The following KIF5C variants were observed in gnomAD, a reference collection of about 807,000 sequenced individuals.
KIF5C encodes the protein kinesin heavy chain isoform 5C.
In KIF5C, 18 loss-of-function variants were observed where a neutral mutation model predicts 125.2. That is an observed-to-expected ratio of 0.14 (90% CI 0.10 to 0.21). KIF5C has a LOEUF of 0.21. Among genes scored for constraint, KIF5C ranks in the 10% least tolerant of loss-of-function variants. The probability of loss-of-function intolerance (pLI) is 1.00; values close to 1 mark genes in which losing one functional copy is unlikely to be tolerated. For missense variants in KIF5C, 780 were observed against 1,183.8 expected (o/e 0.66, Z 5.01); for synonymous variants, 405 against 434.0 (o/e 0.93, Z 0.83).
At chr2:148,977,773 C>T (rs1272695283) in intron 12 of KIF5C, among the ~76,000 whole-genome samples, 2 of 152,148 alleles carry the variant, frequency 1.3e-5, no homozygotes, top group African/African-American at 2.4e-5. Context: ...CCATGGAAAG[C>T]ATTAGTTTGT....
At chr2:148,998,265 CCAGAAAT>C (rs1681736966) in intron 18 of KIF5C, 128 bp from the exon 19 acceptor site, 4 of 1,399,404 alleles carry the variant, frequency 2.9e-6, no homozygotes, top group Non-Finnish European at 2.9e-6. Flanking sequence ...GGCAAAACAG[CCAGAAAT>C]GCCCCCAGTT....
chr2:148,952,818 C>T (rs73009512), intron 10 of KIF5C, among the ~76,000 whole-genome samples: 2,028 of 152,194 alleles, frequency 0.013, 52 homozygotes, highest in African/African-American at 0.046. Flanking sequence ...AGTCCGTGAC[C>T]GATGGCAGGC....
At chr2:148,999,568 C>T (rs1420318361) in intron 19 of KIF5C, among the ~76,000 whole-genome samples, 3 of 152,224 alleles carry the variant, frequency 2.0e-5, no homozygotes, top group African/African-American at 2.4e-5. Context: ...TTCTCCTCTT[C>T]GGCCATCCCC....
intron 16 of KIF5C, among the ~76,000 whole-genome samples, chr2:148,992,973 C>G (rs1681566079): frequency 2.0e-5 from 3 of 152,330 alleles, no homozygotes; most frequent in African/African-American, 7.2e-5. Context: ...ACCCTCTTCT[C>G]TTTCAAGCTG....
chr2:148,934,747 T>C (rs1190728055), intron 3 of KIF5C, among the ~76,000 whole-genome samples: 1 of 151,394 alleles, frequency 6.6e-6, no homozygotes, highest in Non-Finnish European at 1.5e-5. Context: ...CTCACACACA[T>C]ATAACCCCCA....
intron 14 of KIF5C, among the ~76,000 whole-genome samples, chr2:148,982,318 A>G (rs1408083609): frequency 6.6e-6 from 1 of 152,192 alleles, no homozygotes; most frequent in Non-Finnish European, 1.5e-5. Context: ...AATGTTTGGC[A>G]TGGCGGGGTG....
intron 8 of KIF5C, among the ~76,000 whole-genome samples, chr2:148,948,926 T>G (rs1225226455): frequency 2.6e-5 from 4 of 152,240 alleles, no homozygotes; most frequent in Admixed American, 1.3e-4. Flanking sequence ...CCAAGGGAGT[T>G]GAGAATCTAT....
chr2:148,990,861 A>T, intron 15 of KIF5C, 149 bp from the exon 16 acceptor site: 9 of 1,320,788 alleles, frequency 6.8e-6, no homozygotes, highest in Non-Finnish European at 8.8e-6. Context: ...CTTGGGGTTG[A>T]ATGTTTAGTA....
chr2:148,902,474 G>A lies in KIF5C; in HGVS notation c.127-19663G>A, dbSNP rs564341291. ...TGGGATTACAGGCACACGCCACCAC[G>A]CCCAGATAATTTTTGTATTTTTAGG... is the stretch of plus-strand genomic sequence containing the variant. On this transcript the variant is annotated intron_variant, in intron 1 of 25. Coordinates refer to ENST00000435030, the MANE Select transcript of KIF5C (RefSeq NM_004522.3). 2.6e-5 allele frequency among the ~76,000 whole-genome samples: 4 copies of A among 152,206 alleles called. No homozygotes were observed. In the East Asian group the frequency reaches 5.8e-4, roughly 22 times the overall value.
chr2:148,883,613 A>G (rs1681430452), intron 1 of KIF5C: 1 of 151,916 alleles, frequency 6.6e-6, no homozygotes, highest in Non-Finnish European at 1.5e-5. Flanking sequence ...TAAAACAAAG[A>G]TATTTTATAA....
At position 149,026,473 on chromosome 2, in the gene KIF5C, A is replaced by G. The variant is rs1265225187; in HGVS notation, c.*3403A>G. 6.6e-6 allele frequency: 1 copy of G among 152,292 alleles called. No individual in the cohort carries two copies. The highest frequency in any genetic ancestry group is 1.5e-5 in the Non-Finnish European group (1 of 68,028). 9.4% of individuals were successfully genotyped at this position (152,292 alleles called of 1,614,324 possible). A position where few individuals can be genotyped will look rare whatever the true frequency, so the allele number is the denominator to read the frequency against. On this transcript the variant is annotated 3_prime_UTR_variant, in exon 26 of 26. Coordinates refer to ENST00000435030, the MANE Select transcript of KIF5C (RefSeq NM_004522.3). Reference sequence around the variant, plus strand: ...GTAAAGTGTGTCCTGTGTACTGCAGATGTGTGTTCTCTGGGCTTTATGTAT... The same window carrying G: ...GTAAAGTGTGTCCTGTGTACTGCAGGTGTGTGTTCTCTGGGCTTTATGTAT...
At chr2:149,012,762 C>A (rs1476204956) in intron 25 of KIF5C, among the ~76,000 whole-genome samples, 1 of 152,256 alleles carries the variant, frequency 6.6e-6, no homozygotes, top group Non-Finnish European at 1.5e-5. Context: ...GGGCAGTGTG[C>A]CTGCCATCAT....
At chr2:148,909,266 C>T (rs1024301497) in intron 1 of KIF5C, among the ~76,000 whole-genome samples, 19 of 152,220 alleles carry the variant, frequency 1.2e-4, no homozygotes, top group African/African-American at 4.1e-4. Flanking sequence ...CTCAAGGTTT[C>T]ACGCTTTTGG....
chr2:149,020,468 C>G lies in KIF5C; in HGVS notation c.*8-2610C>G, dbSNP rs549777754. ...CCAAAACCTGCTGAATCTTGCCCAG[C>G]GGGGATCGGGGGCTTTGACTGAGAG... is the stretch of plus-strand genomic sequence containing the variant. On this transcript the variant is annotated intron_variant, in intron 25 of 25. Transcript: ENST00000435030. 3.9e-5 allele frequency: 6 copies of G among 152,410 alleles called. No individual in the cohort carries two copies. In the East Asian group the frequency reaches 7.7e-4, roughly 20 times the overall value. 9.4% of individuals were successfully genotyped at this position (152,410 alleles called of 1,614,324 possible).
At chr2:148,913,736 A>C (rs1681435349) in intron 1 of KIF5C, among the ~76,000 whole-genome samples, 3 of 152,180 alleles carry the variant, frequency 2.0e-5, no homozygotes, top group Admixed American at 2.0e-4. Context: ...TGTGCCAGGA[A>C]GCCCCACCAG....
At chr2:148,989,337 T>TACACACACACACAC (rs59582798) in intron 15 of KIF5C, among the ~76,000 whole-genome samples, 2 of 147,832 alleles carry the variant, frequency 1.4e-5, no homozygotes, top group Non-Finnish European at 3.0e-5. Context: ...TCCATGATTT[T>TACACACACACACAC]ACACACACAC....
chr2:148,957,738 A>T (rs1246925377), intron 10 of KIF5C, among the ~76,000 whole-genome samples: 1 of 151,944 alleles, frequency 6.6e-6, no homozygotes, highest in African/African-American at 2.4e-5. Context: ...TCTTAACTCA[A>T]TTTTTATTGA....
intron 1 of KIF5C, among the ~76,000 whole-genome samples, chr2:148,919,420 A>T (rs1681693841): frequency 6.6e-6 from 1 of 152,212 alleles, no homozygotes; most frequent in South Asian, 2.1e-4. Context: ...AACCTGCATT[A>T]AATGTCATTT....
chr2:148,945,579 T>C (rs1412424637), intron 7 of KIF5C, among the ~76,000 whole-genome samples: 1 of 152,204 alleles, frequency 6.6e-6, no homozygotes, highest in East Asian at 1.9e-4. Context: ...CCATAGGCTA[T>C]TGGGGTACAG....
Sources: allele counts gnomAD v4.1 joint callset (sites outside exome capture counted in the v4.1 genomes callset), GRCh38; gene constraint gnomAD v4.1.1; transcripts MANE v1.5; gene names NCBI Gene and HGNC (gene_info 2026-07-23, HGNC 2026-07-21).